Variants in UBE2E3 observed in about 807,000 individuals in gnomAD.
The protein encoded by UBE2E3 is ubiquitin conjugating enzyme E2 E3, also known as ubiquitin-conjugating enzyme E2 E3.
Under a neutral mutation model 23.6 loss-of-function variants are expected in UBE2E3, and 5 were observed. The observed-to-expected ratio is 0.21, with a 90% CI of 0.11 to 0.44. The LOEUF is 0.44. UBE2E3 is among the 20% of genes least tolerant of loss of function. The probability of loss-of-function intolerance (pLI) is 0.99; values close to 1 mark genes in which losing one functional copy is unlikely to be tolerated. For synonymous variants in UBE2E3, 78 were observed against 87.5 expected (o/e 0.89, Z 0.60); for missense variants, 81 against 249.8 (o/e 0.32, Z 4.55).
intron 3 of UBE2E3, among the ~76,000 whole-genome samples, chr2:181,030,763 A>G (rs1461407426): frequency 6.6e-6 from 1 of 152,078 alleles, no homozygotes; most frequent in Non-Finnish European, 1.5e-5. Flanking sequence ...TTGTATAACC[A>G]GTATTCACTT....
chr2:181,052,641 A>G (rs1312584942), intron 3 of UBE2E3, among the ~76,000 whole-genome samples: 5 of 151,818 alleles, frequency 3.3e-5, no homozygotes, highest in Non-Finnish European at 7.4e-5. Context: ...AACACCACTA[A>G]CATTGGCTAG....
chr2:181,011,736 A>G (rs575147818), intron 3 of UBE2E3, among the ~76,000 whole-genome samples: 1 of 152,266 alleles, frequency 6.6e-6, no homozygotes, highest in East Asian at 1.9e-4. Context: ...TCTGGCAAGT[A>G]GTGTTATAGA....
At chr2:181,027,798 C>T (rs1354768179) in intron 3 of UBE2E3, among the ~76,000 whole-genome samples, 2 of 151,848 alleles carry the variant, frequency 1.3e-5, no homozygotes, top group African/African-American at 4.8e-5. Context: ...CATAACTCTA[C>T]TTTCCTAGTC....
In UBE2E3 at chr2:180,980,894, A is replaced by G. The variant is rs1355718225; in HGVS notation, c.-105A>G. ...CCTTCCCCCCCCCACAGCTGCCTCC[A>G]TTTCCTTAAGGAAGGGTTTTTTTCT... is the stretch of plus-strand genomic sequence containing the variant. On this transcript the variant is annotated 5_prime_UTR_variant, in exon 1 of 6. Coordinates refer to ENST00000410062, the MANE Select transcript of UBE2E3 (RefSeq NM_006357.4). The surrounding 1 kb of genome is among the most constrained non-coding windows in gnomAD (Gnocchi z 5.5). The G allele has an allele frequency of 2.9e-5, 3 of 104,106 alleles. No homozygotes were observed. The highest frequency in any genetic ancestry group is 1.1e-4 in the African/African-American group (3 of 27,566). 6.4% of individuals were successfully genotyped at this position (104,106 alleles called of 1,614,324 possible).
At position 180,982,210 on chromosome 2, in the gene UBE2E3, T is replaced by C. The variant is rs1318649910; in HGVS notation, c.168T>C (p.Thr56=). 5 of 1,611,450 alleles carry C rather than the reference T, an allele frequency of 3.1e-6. No homozygotes were observed. The highest frequency in any genetic ancestry group is 4.2e-6 in the Non-Finnish European group (5 of 1,179,126). Residue 56 remains threonine (T), a synonymous_variant, in exon 2 of 6, where the codon ACT becomes ACC. Transcript: ENST00000410062. The stretch of plus-strand genomic sequence containing the variant: ...ACACCAAACTCTCTAGCAAAACCAC[T>C]GCTAAGTTATCCACTAGTGCTAAAA... The part of the protein sequence containing the change: ...KKNTKLSSKT[T]AKLSTSAKRI...
chr2:181,043,924 G>A (rs1328675747), intron 3 of UBE2E3, among the ~76,000 whole-genome samples: 1 of 152,000 alleles, frequency 6.6e-6, no homozygotes, highest in African/African-American at 2.4e-5. Flanking sequence ...TTATTTCGTT[G>A]GACATTTAAG....
At chr2:181,043,973 T>C (rs749981110) in intron 3 of UBE2E3, among the ~76,000 whole-genome samples, 4 of 152,204 alleles carry the variant, frequency 2.6e-5, no homozygotes, top group Non-Finnish European at 5.9e-5. Context: ...GCTTTGAGCC[T>C]TCTTTTACAA....
intron 3 of UBE2E3, among the ~76,000 whole-genome samples, chr2:181,051,846 A>G (rs1686851906): frequency 6.6e-6 from 1 of 152,036 alleles, no homozygotes; most frequent in South Asian, 2.1e-4. Context: ...AGCTAGTTTT[A>G]TAATTACTAT....
intron 3 of UBE2E3, among the ~76,000 whole-genome samples, chr2:181,003,263 A>G (rs939743915): frequency 1.3e-5 from 2 of 152,204 alleles, no homozygotes; most frequent in Non-Finnish European, 2.9e-5. Context: ...ATTTTTTTAT[A>G]TTAACAGCGT....
intron 3 of UBE2E3, among the ~76,000 whole-genome samples, chr2:181,000,492 T>G (rs2105590727): frequency 6.6e-6 from 1 of 152,186 alleles, no homozygotes; most frequent in South Asian, 2.1e-4. Context: ...AGAGTAAGTA[T>G]AGTATAAATG....
At chr2:181,024,626 A>G (rs1330755464) in intron 3 of UBE2E3, among the ~76,000 whole-genome samples, 6 of 152,086 alleles carry the variant, frequency 3.9e-5, no homozygotes, top group East Asian at 1.9e-4. Context: ...ACAGTAATCT[A>G]TTTTTCTCTT....
At chr2:181,027,159 AATAAAAGGTCTCT>A (rs910667817) in intron 3 of UBE2E3, among the ~76,000 whole-genome samples, 5 of 151,924 alleles carry the variant, frequency 3.3e-5, no homozygotes, top group Admixed American at 1.3e-4. Context: ...CAGCCATTTA[AATAAAAGGTCTCT>A]ATTTTATGAC....
intron 3 of UBE2E3, among the ~76,000 whole-genome samples, chr2:181,037,166 A>T (rs918109598): frequency 3.3e-5 from 5 of 152,224 alleles, no homozygotes; most frequent in African/African-American, 1.2e-4. Flanking sequence ...GTTTGTGGTG[A>T]TGCTGGTGGA....
chr2:181,014,114 CCCATGTTT>C (rs1437290401), intron 3 of UBE2E3, among the ~76,000 whole-genome samples: 4 of 152,030 alleles, frequency 2.6e-5, no homozygotes, highest in Non-Finnish European at 4.4e-5. Flanking sequence ...AGGGATGATG[CCCATGTTT>C]CTGACGTAAG....
intron 3 of UBE2E3, among the ~76,000 whole-genome samples, chr2:181,025,639 G>A (rs1194381020): frequency 1.3e-5 from 2 of 151,852 alleles, no homozygotes; most frequent in Non-Finnish European, 3.0e-5. Flanking sequence ...TCAGAAATGA[G>A]GGAAATATAG....
At chr2:180,983,859 G>C (rs914140488) in intron 2 of UBE2E3, 184 bp from the exon 3 acceptor site, 2 of 438,234 alleles carry the variant, frequency 4.6e-6, no homozygotes, top group Non-Finnish European at 8.2e-6. Flanking sequence ...AAAAAAAGCT[G>C]CAAAGTTTCT....
At chr2:181,019,439 C>A (rs1368524647) in intron 3 of UBE2E3, among the ~76,000 whole-genome samples, 4 of 152,156 alleles carry the variant, frequency 2.6e-5, no homozygotes, top group African/African-American at 9.7e-5. Context: ...TTTCAAAATT[C>A]AGTGTTCAGT....
intron 3 of UBE2E3, among the ~76,000 whole-genome samples, chr2:180,994,542 C>T (rs747743362): frequency 1.2e-4 from 18 of 152,142 alleles, no homozygotes; most frequent in Non-Finnish European, 2.1e-4. Flanking sequence ...TCAGTAGCTC[C>T]GTAATCAGTC....
At position 181,020,414 on chromosome 2, in the gene UBE2E3, C is replaced by T. The variant is rs535163804; in HGVS notation, c.245+36321C>T. On this transcript the variant is annotated intron_variant, in intron 3 of 5. Coordinates refer to ENST00000410062, the MANE Select transcript of UBE2E3 (RefSeq NM_006357.4). Reference sequence around the variant, plus strand: ...ACCTCATCTTCACTAATTACATCTGCAGTGACTCTGTTTCCAAATATGCTC... The same window carrying T: ...ACCTCATCTTCACTAATTACATCTGTAGTGACTCTGTTTCCAAATATGCTC... 1.1e-3 allele frequency among the ~76,000 whole-genome samples: 174 copies of T among 152,294 alleles called. 1 individual carries two copies. The highest frequency in any genetic ancestry group is 1.2e-3 in the South Asian group (6 of 4,824).
Sources: allele counts gnomAD v4.1 joint callset (sites outside exome capture counted in the v4.1 genomes callset), GRCh38; gene constraint gnomAD v4.1.1; non-coding constraint Gnocchi (gnomAD v3.1); transcripts MANE v1.5; gene names NCBI Gene and HGNC (gene_info 2026-07-23, HGNC 2026-07-21).